TBC1D23: variants seen among roughly 807,000 people sequenced by gnomAD.
TBC1D23 encodes HCV non-structural protein 4A-transactivated protein 1.
Under a neutral mutation model 91.4 loss-of-function variants are expected in TBC1D23, and 55 were observed. That is an observed-to-expected ratio of 0.60 (90% CI 0.48 to 0.75). The LOEUF (loss-of-function observed/expected upper bound fraction) is 0.75, where lower values mean the gene tolerates loss of function less well. Ranked by LOEUF, TBC1D23 falls within the 30% of genes least tolerant of loss-of-function variation. The pLI, the probability that TBC1D23 is intolerant of heterozygous loss-of-function variation, is 0.00. For synonymous variants in TBC1D23, 289 were observed against 281.0 expected (o/e 1.03, Z -0.28); for missense variants, 725 against 836.1 (o/e 0.87, Z 1.64).
At chr3:100,314,405 C>A (rs571928321) in intron 15 of TBC1D23, among the ~76,000 whole-genome samples, 34 of 151,690 alleles carry the variant, frequency 2.2e-4, no homozygotes, top group Non-Finnish European at 3.5e-4. Context: ...GTAACCGGCA[C>A]AAAAAAAATT....
intron 1 of TBC1D23, among the ~76,000 whole-genome samples, chr3:100,271,721 A>G (rs2067601150): frequency 6.6e-6 from 1 of 152,186 alleles, no homozygotes; most frequent in African/African-American, 2.4e-5. Flanking sequence ...AGTCTGAAGT[A>G]AGTGCTGAAT....
rs1276926014 is a variant in TBC1D23 at position 100,323,608 on chromosome 3, G to A, written c.2040G>A (p.Gly680=). Residue 680 remains glycine (G), a synonymous_variant, in exon 19 of 19, where the codon GGG becomes GGA. Transcript: ENST00000394144. ...AIERYLIPNA[G]DATKAIKQQI... is the part of the protein sequence containing the mutation. The stretch of plus-strand genomic sequence containing the variant: ...TTAGGTATTTGATTCCAAATGCAGG[G>A]GATGCAACTAAAGCCATAAAACAGC... The A allele has an allele frequency of 1.3e-6, 2 of 1,520,888 alleles. No homozygotes were observed. Among genetic ancestry groups the A allele is most frequent in the South Asian group, 1.4e-5 (1 of 73,118 alleles). 94.2% of individuals were successfully genotyped at this position (1,520,888 alleles called of 1,614,324 possible).
intron 15 of TBC1D23, among the ~76,000 whole-genome samples, chr3:100,314,186 C>T (rs1705687279): frequency 7.0e-6 from 1 of 142,892 alleles, no homozygotes; most frequent in Admixed American, 7.8e-5. Flanking sequence ...GCAACCTGTG[C>T]CTCCTGGGTT....
intron 4 of TBC1D23, among the ~76,000 whole-genome samples, chr3:100,288,071 G>A (rs546298780): frequency 1.3e-5 from 2 of 151,862 alleles, no homozygotes; most frequent in East Asian, 3.9e-4. Context: ...GTGAGACCCT[G>A]ATCCTACAAA....
intron 1 of TBC1D23, among the ~76,000 whole-genome samples, chr3:100,265,735 A>C (rs529410324): frequency 1.3e-5 from 2 of 152,256 alleles, no homozygotes; most frequent in Non-Finnish European, 2.9e-5. Flanking sequence ...TTCAACTTTT[A>C]ATTAGGGTTT....
At chr3:100,294,974 A>T (rs957684521) in intron 5 of TBC1D23, 113 bp from the exon 6 acceptor site, 9 of 1,071,278 alleles carry the variant, frequency 8.4e-6, no homozygotes, top group Admixed American at 2.7e-5. Context: ...TACGCATTAA[A>T]TATCAGGTGC....
chr3:100,303,761 C>T (rs899555825), intron 11 of TBC1D23, among the ~76,000 whole-genome samples: 1 of 152,072 alleles, frequency 6.6e-6, no homozygotes, highest in Non-Finnish European at 1.5e-5. Flanking sequence ...CAGAGCGAGA[C>T]CCTATTCTCA....
At chr3:100,322,316 A>G (rs983942823) in intron 18 of TBC1D23, among the ~76,000 whole-genome samples, 6 of 152,154 alleles carry the variant, frequency 3.9e-5, no homozygotes, top group African/African-American at 9.7e-5. Flanking sequence ...GATGGTCTCC[A>G]TCTCCTGACC....
intron 4 of TBC1D23, among the ~76,000 whole-genome samples, chr3:100,286,221 T>G (rs1439271190): frequency 6.6e-6 from 1 of 152,196 alleles, no homozygotes; most frequent in Non-Finnish European, 1.5e-5. Context: ...TGCCTATATT[T>G]TAGCACTTCT....
At chr3:100,265,261 A>G (rs570058747) in intron 1 of TBC1D23, among the ~76,000 whole-genome samples, 1 of 152,348 alleles carries the variant, frequency 6.6e-6, no homozygotes, top group East Asian at 1.9e-4. Flanking sequence ...GTCATTTCAT[A>G]TAAATTTCCT....
Position 100,298,040 on chromosome 3 carries a change from C to T in TBC1D23, c.994C>T (p.Gln332Ter), listed in dbSNP as rs745629201. ...VSEILQANQL[Q>*]GEGVRFFVVD... ...AGAGATCCTTCAAGCGAATCAGCTA[C>T]AAGGGGTAAGTAAAGGAAACCCAGT... Residue 332 changes from glutamine to a stop codon, truncating the protein, a stop_gained, in exon 9 of 19, where the codon CAA becomes TAA. Coordinates refer to ENST00000394144, the MANE Select transcript of TBC1D23 (RefSeq NM_001199198.3). LOFTEE classifies it high-confidence loss of function. The T allele has an allele frequency of 6.2e-7, 1 of 1,613,262 alleles. No individual in the cohort carries two copies. The highest frequency in any genetic ancestry group is 8.5e-7 in the Non-Finnish European group (1 of 1,179,634).
At chr3:100,303,896 A>T (rs1705474432) in intron 11 of TBC1D23, among the ~76,000 whole-genome samples, 1 of 152,128 alleles carries the variant, frequency 6.6e-6, no homozygotes, top group Admixed American at 6.5e-5. Context: ...ATGTGGTTTT[A>T]TACATTTTTT....
Position 100,320,866 on chromosome 3 carries a change from T to A in TBC1D23, c.1913T>A (p.Leu638Gln). The change falls in exon 18 of 19, where the codon CTG (leucine) becomes CAG (glutamine). Residue 638 changes from leucine (L) to glutamine (Q), a missense_variant. Physicochemically the swap from Leu to Gln is moderately radical, Grantham distance 113. Coordinates refer to ENST00000394144, the MANE Select transcript of TBC1D23 (RefSeq NM_001199198.3). Reference protein sequence around the residue: ...GLAYIQSRQALNSVVKITSKK... With the variant: ...GLAYIQSRQAQNSVVKITSKK... ...GCTTATATACAGTCTCGACAAGCGCTGAATTCTGTAGTTAAAATTACATCC... is the reference window on the plus strand; with the variant it reads ...GCTTATATACAGTCTCGACAAGCGCAGAATTCTGTAGTTAAAATTACATCC... 6.2e-7 allele frequency: 1 copy of A among 1,613,330 alleles called. No homozygotes were observed. The highest frequency in any genetic ancestry group is 8.5e-7 in the Non-Finnish European group (1 of 1,179,512).
At chr3:100,321,344 A>G (rs1705854754) in intron 18 of TBC1D23, among the ~76,000 whole-genome samples, 1 of 152,212 alleles carries the variant, frequency 6.6e-6, no homozygotes, top group Non-Finnish European at 1.5e-5. Context: ...CAGTGAACTA[A>G]GCAGTGTGCT....
At chr3:100,310,607 G>A (rs1705609507) in intron 14 of TBC1D23, 65 bp downstream of exon 14, 2 of 1,246,052 alleles carry the variant, frequency 1.6e-6, no homozygotes, top group Non-Finnish European at 2.2e-6. Flanking sequence ...ATGTCTTAGA[G>A]TAAGTAAATG....
At chr3:100,313,074 G>A (rs893819573) in intron 15 of TBC1D23, among the ~76,000 whole-genome samples, 1 of 151,802 alleles carries the variant, frequency 6.6e-6, no homozygotes, top group Non-Finnish European at 1.5e-5. Context: ...TCTTCTAAGA[G>A]TTTTGATTTA....
At position 100,274,007 on chromosome 3, in the gene TBC1D23, TACAC is replaced by T. The variant is rs1166891002; in HGVS notation, c.54-5638_54-5635del. Among the ~76,000 whole-genome samples the T allele has an allele frequency of 4.6e-5, 7 of 152,308 alleles. No homozygotes were observed. In the East Asian group the frequency reaches 1.3e-3, roughly 29 times the overall value. ...ATATGTCTATATATATGTCTATAAA[TACAC>T]ACATGAGAAACTGAAAAGTGATTCA... On this transcript the variant is annotated intron_variant, in intron 1 of 18. Coordinates refer to ENST00000394144, the MANE Select transcript of TBC1D23 (RefSeq NM_001199198.3).
intron 8 of TBC1D23, 80 bp from the exon 9 acceptor site, chr3:100,297,843 A>G: frequency 1.6e-6 from 2 of 1,233,318 alleles, no homozygotes; most frequent in Non-Finnish European, 2.3e-6. Flanking sequence ...TTTACCTTTT[A>G]TCATGGTTTA....
At chr3:100,287,953 C>G (rs2067758718) in intron 4 of TBC1D23, among the ~76,000 whole-genome samples, 1 of 150,896 alleles carries the variant, frequency 6.6e-6, no homozygotes, top group Non-Finnish European at 1.5e-5. Context: ...CATGTTAAAA[C>G]TGTGAGGCCA....
Sources: gnomAD v4.1 joint callset for allele counts (sites outside exome capture counted in the v4.1 genomes callset) on GRCh38, gnomAD v4.1.1 for gene constraint, MANE v1.5 for transcripts, NCBI Gene and HGNC (gene_info 2026-07-23, HGNC 2026-07-21) for gene names.